The following PCDHA10 variants were observed in gnomAD, a reference collection of about 807,000 sequenced individuals.
PCDHA10 encodes protocadherin alpha 10.
In PCDHA10, 45 loss-of-function variants were observed where a neutral mutation model predicts 61.2. That is an observed-to-expected ratio of 0.74 (90% CI 0.58 to 0.94). The LOEUF (loss-of-function observed/expected upper bound fraction) is 0.94. Among genes scored for constraint, PCDHA10 ranks in the 40% least tolerant of loss-of-function variants. The pLI, the probability that PCDHA10 is intolerant of heterozygous loss-of-function variation, is 0.00. For missense variants in PCDHA10, 1,278 were observed against 1,236.2 expected (o/e 1.03, Z -0.51); for synonymous variants, 602 against 548.8 (o/e 1.10, Z -1.35).
At chr5:140,864,459 C>CT (rs1474178285) in intron 1 of PCDHA10, 1 of 152,180 alleles carries the variant, frequency 6.6e-6, no homozygotes, top group Non-Finnish European at 1.5e-5. Context: ...CAATATCCAT[C>CT]TTTTTTGAGA....
At chr5:140,946,976 G>A (rs2094064804) in intron 1 of PCDHA10, among the ~76,000 whole-genome samples, 1 of 151,532 alleles carries the variant, frequency 6.6e-6, no homozygotes, top group Admixed American at 6.6e-5. Context: ...ATAGAATAGA[G>A]GATTTTGAGT....
At chr5:140,939,789 A>T (rs1259994967) in intron 1 of PCDHA10, among the ~76,000 whole-genome samples, 1 of 152,246 alleles carries the variant, frequency 6.6e-6, no homozygotes, top group African/African-American at 2.4e-5. Flanking sequence ...GTCAATTTCT[A>T]TAAATGTTCT....
intron 1 of PCDHA10, among the ~76,000 whole-genome samples, chr5:140,965,185 C>T (rs1348990210): frequency 6.6e-6 from 1 of 152,138 alleles, no homozygotes; most frequent in Non-Finnish European, 1.5e-5. Flanking sequence ...TTTTTTTGCA[C>T]ATGAGGCAAT....
chr5:140,911,979 A>G (rs1583809781), intron 1 of PCDHA10, among the ~76,000 whole-genome samples: 2 of 152,328 alleles, frequency 1.3e-5, no homozygotes, highest in African/African-American at 4.8e-5. Flanking sequence ...AACTCACATG[A>G]TCACAAGGTC....
intron 1 of PCDHA10, chr5:140,928,716 C>T (rs555492959): frequency 3.1e-6 from 5 of 1,614,178 alleles, no homozygotes; most frequent in East Asian, 4.5e-5. Flanking sequence ...ACTCTAGTCT[C>T]TTTAGAATTT....
intron 3 of PCDHA10, among the ~76,000 whole-genome samples, chr5:141,009,142 G>T (rs1374390797): frequency 2.0e-5 from 3 of 152,204 alleles, no homozygotes; most frequent in Non-Finnish European, 4.4e-5. Context: ...GAAAAAACCT[G>T]CCCTCTTGCT....
At position 140,858,275 on chromosome 5, in the gene PCDHA10, G is replaced by C. The variant is rs2045316714; in HGVS notation, c.2227G>C (p.Val743Leu). 1.3e-6 allele frequency: 2 copies of C among 1,597,458 alleles called. No individual in the cohort carries two copies. The highest frequency in any genetic ancestry group is 1.3e-5 in the African/African-American group (1 of 74,288). ...GCCCACGCTGGTGTGCTCTAGCGCGGTGGGGAGCTGGTCTTACTCGCAGCA... is the reference window on the plus strand; with the variant it reads ...GCCCACGCTGGTGTGCTCTAGCGCGCTGGGGAGCTGGTCTTACTCGCAGCA... ...VKPTLVCSSA[V>L]GSWSYSQQRR... Residue 743 changes from valine (V) to leucine (L), a missense_variant, in exon 1 of 4, where the codon GTG becomes CTG. Val to Leu is a conservative substitution (Grantham distance 32). Coordinates refer to ENST00000307360, the MANE Select transcript of PCDHA10 (RefSeq NM_018901.4).
intron 2 of PCDHA10, among the ~76,000 whole-genome samples, chr5:140,981,521 C>T (rs894639773): frequency 1.3e-5 from 2 of 152,208 alleles, no homozygotes; most frequent in South Asian, 4.1e-4. Flanking sequence ...TTGCAGTGAG[C>T]TGAGATCGTG....
intron 1 of PCDHA10, chr5:140,868,996 G>T: frequency 6.6e-7 from 1 of 1,516,608 alleles, no homozygotes; most frequent in South Asian, 1.4e-5. Flanking sequence ...CACCGTTTAA[G>T]GATCCTTTGA....
chr5:140,967,539 A>G (rs1554229656), intron 1 of PCDHA10: 2 of 1,613,730 alleles, frequency 1.2e-6, no homozygotes, highest in African/African-American at 1.3e-5. Flanking sequence ...CCTGCCTTTG[A>G]CCAGTCCACT....
At chr5:140,903,585 T>C (rs928775971) in intron 1 of PCDHA10, among the ~76,000 whole-genome samples, 2 of 152,224 alleles carry the variant, frequency 1.3e-5, no homozygotes, top group Non-Finnish European at 2.9e-5. Context: ...TAGCTGGTGT[T>C]GGCCTGATAA....
chr5:140,858,376 A>ACATC lies in PCDHA10; in HGVS notation c.2328_2329insCATC (p.Cys777HisfsTer20). The stretch of plus-strand genomic sequence containing the variant: ...TGGCCTTCAGCCCCAGCCTTCCACC[A>ACATC]TGCCCAATGGTAGATGTGGACGGGG... On this transcript the variant is annotated frameshift_variant, in exon 1 of 4. Coordinates refer to ENST00000307360, the MANE Select transcript of PCDHA10 (RefSeq NM_018901.4). LOFTEE classifies it high-confidence loss of function. 1 of 1,587,998 alleles carries ACATC rather than the reference A, an allele frequency of 6.3e-7. No individual in the cohort carries two copies. Among genetic ancestry groups the ACATC allele is most frequent in the Non-Finnish European group, 8.6e-7 (1 of 1,161,168 alleles).
chr5:140,926,592 C>A, intron 1 of PCDHA10: 1 of 298,858 alleles, frequency 3.3e-6, no homozygotes, highest in Non-Finnish European at 6.1e-6. Context: ...CGCGCCCGGG[C>A]GGGCGGCCTC....
At chr5:140,863,351 C>T in intron 1 of PCDHA10, 1 of 1,288,680 alleles carries the variant, frequency 7.8e-7, no homozygotes, top group Non-Finnish European at 1.1e-6. Context: ...CTGTACACGA[C>T]GCTGCGGTGC....
chr5:140,947,948 T>C (rs2094196051), intron 1 of PCDHA10, among the ~76,000 whole-genome samples: 1 of 151,586 alleles, frequency 6.6e-6, no homozygotes, highest in South Asian at 2.1e-4. Context: ...AAGTGTTCCA[T>C]ATTTTACAAT....
chr5:140,940,549 A>G (rs1554213474), intron 1 of PCDHA10, among the ~76,000 whole-genome samples: 1 of 152,110 alleles, frequency 6.6e-6, no homozygotes, highest in Non-Finnish European at 1.5e-5. Context: ...CCTGGGCTCA[A>G]GTGATTCTCC....
intron 1 of PCDHA10, chr5:140,881,393 A>G: frequency 1.0e-6 from 1 of 979,646 alleles, no homozygotes; most frequent in Non-Finnish European, 1.2e-6. Context: ...GGTAAGTTAA[A>G]TTCTATTAAA....
At chr5:140,949,383 T>C (rs2094373133) in intron 1 of PCDHA10, among the ~76,000 whole-genome samples, 1 of 151,882 alleles carries the variant, frequency 6.6e-6, no homozygotes, top group Non-Finnish European at 1.5e-5. Flanking sequence ...TATCAATTGC[T>C]CAGAGAGCAG....
At chr5:140,916,760 G>A (rs1387005871) in intron 1 of PCDHA10, among the ~76,000 whole-genome samples, 1 of 152,180 alleles carries the variant, frequency 6.6e-6, no homozygotes, top group Non-Finnish European at 1.5e-5. Context: ...ATTAGGGGAG[G>A]GGTGGCACAA....
Sources: allele counts gnomAD v4.1 joint callset (sites outside exome capture counted in the v4.1 genomes callset), GRCh38; gene constraint gnomAD v4.1.1; transcripts MANE v1.5; gene names NCBI Gene and HGNC (gene_info 2026-07-23, HGNC 2026-07-21).